VDAC3: variants seen among roughly 807,000 people sequenced by gnomAD.
VDAC3 encodes the protein voltage dependent anion channel 3.
Under a neutral mutation model 33.9 loss-of-function variants are expected in VDAC3, and 7 were observed. That is an observed-to-expected ratio of 0.21 (90% confidence interval 0.12 to 0.39). The LOEUF (loss-of-function observed/expected upper bound fraction) is 0.39. Ranked by LOEUF, VDAC3 falls within the 10% of genes least tolerant of loss-of-function variation. The pLI is 1.00. For missense variants in VDAC3, 261 were observed against 334.5 expected (o/e 0.78, Z 1.71); for synonymous variants, 100 against 122.4 (o/e 0.82, Z 1.21).
chr8:42,394,192 C>T lies in VDAC3; in HGVS notation c.-2-18C>T. The T allele has an allele frequency of 6.2e-7, 1 of 1,609,752 alleles. No individual in the cohort carries two copies. Among genetic ancestry groups the T allele is most frequent in the Non-Finnish European group, 8.5e-7 (1 of 1,176,318 alleles). On this transcript the variant is annotated intron_variant, in intron 2 of 9. Transcript: ENST00000022615. ...TAAATGGTTATTTTTATTCCTTTGC[C>T]CTGTTTTTCTTTATAAGATATGTGT...
rs750457762 is a variant in VDAC3, at chr8:42,394,228, C to T, written c.17C>T (p.Thr6Met). 9.3e-6 allele frequency: 15 copies of T among 1,613,552 alleles called. No homozygotes were observed. The highest frequency in any genetic ancestry group is 1.6e-4 in the Middle Eastern group (1 of 6,078). MCNTP[T>M]YCDLGKAAKD... ...TTATAAGATATGTGTAACACACCAACGTACTGTGACCTAGGAAAGGCTGCT... is the reference window on the plus strand; with the variant it reads ...TTATAAGATATGTGTAACACACCAATGTACTGTGACCTAGGAAAGGCTGCT... Residue 6 changes from threonine (T) to methionine (M), a missense_variant, in exon 3 of 10, where the codon ACG becomes ATG. Coordinates refer to ENST00000022615, the MANE Select transcript of VDAC3 (RefSeq NM_005662.7).
chr8:42,404,753 T>G, intron 8 of VDAC3, 114 bp from the exon 9 acceptor site: 1 of 654,670 alleles, frequency 1.5e-6, no homozygotes, highest in Non-Finnish European at 2.4e-6. Flanking sequence ...TCAGTAATTC[T>G]AGATTGGCCC....
At position 42,398,822 on chromosome 8, in the gene VDAC3, C is replaced by G. The variant is rs1479810817; in HGVS notation, c.228C>G (p.Asn76Lys). ...NYGLTFTQKW[N>K]TDNTLGTEIS... ...GACTTACCTTCACCCAGAAATGGAA[C>G]ACAGACAATACTCTAGGGACAGAAA... is the stretch of plus-strand genomic sequence containing the variant. The change falls in exon 5 of 10, where the codon AAC becomes AAG. Residue 76 changes from asparagine to lysine, a missense_variant. Asn to Lys is a moderately conservative substitution (Grantham distance 94). Transcript: ENST00000022615. 6.2e-7 allele frequency: 1 copy of G among 1,613,928 alleles called. No individual in the cohort carries two copies. Among genetic ancestry groups the G allele is most frequent in the South Asian group, 1.1e-5 (1 of 91,072 alleles).
At chr8:42,396,972 A>G (rs1464301560) in intron 4 of VDAC3, 3 of 338,886 alleles carry the variant, frequency 8.9e-6, no homozygotes, top group African/African-American at 4.2e-5. Flanking sequence ...CTGGAACTCA[A>G]CTTAGAACAA....
chr8:42,399,692 A>G lies in VDAC3; in HGVS notation c.312A>G (p.Val104=). The G allele has an allele frequency of 6.2e-7, 1 of 1,612,074 alleles. No homozygotes were observed. The highest frequency in any genetic ancestry group is 2.2e-5 in the East Asian group (1 of 44,810). Residue 104 remains valine, a synonymous_variant, in exon 6 of 10, where the codon GTA becomes GTG. Transcript: ENST00000022615. ...AACTGACTCTTGATACCATATTTGT[A>G]CCGAACACAGGGTAATTATTCAAAT... The part of the protein sequence containing the change: ...GLKLTLDTIF[V]PNTGKKSGKL...
intron 4 of VDAC3, chr8:42,397,167 G>A (rs1802331366): frequency 6.5e-6 from 1 of 152,862 alleles, no homozygotes; most frequent in South Asian, 2.1e-4. Flanking sequence ...TTTGTGAAAA[G>A]TAAATGTAAA....
chr8:42,401,516 T>C (rs1314432185), intron 6 of VDAC3, among the ~76,000 whole-genome samples: 1 of 152,210 alleles, frequency 6.6e-6, no homozygotes, highest in Non-Finnish European at 1.5e-5. Context: ...CTTATACTTT[T>C]GTTCATGCTT....
intron 3 of VDAC3, among the ~76,000 whole-genome samples, 168 bp from the exon 4 acceptor site, chr8:42,394,916 C>T (rs563557126): frequency 1.3e-5 from 2 of 152,146 alleles, no homozygotes; most frequent in African/African-American, 2.4e-5. Flanking sequence ...AATTATACTG[C>T]ATTTATTTGG....
At position 42,404,706 on chromosome 8, in the gene VDAC3, G is replaced by A. The variant is rs900372988; in HGVS notation, c.703-161G>A. On this transcript the variant is annotated intron_variant, in intron 8 of 9. Coordinates refer to ENST00000022615, the MANE Select transcript of VDAC3 (RefSeq NM_005662.7). ...CATCGCACTGCAGCCTGGGTGACAA[G>A]AACAAAACTTCATCTCAAAAAAAAA... Among the ~76,000 whole-genome samples the A allele has an allele frequency of 4.0e-4, 32 of 80,360 alleles. 1 individual carries two copies. Among genetic ancestry groups the A allele is most frequent in the Admixed American group, 7.9e-4 (5 of 6,350 alleles). The allele number at this position is 80,360 out of a possible 152,430, so 52.7% of individuals were successfully genotyped here. A position where few individuals can be genotyped will look rare whatever the true frequency, so the allele number is the denominator to read the frequency against.
chr8:42,399,567 C>T, intron 5 of VDAC3, 84 bp from the exon 6 acceptor site: 1 of 1,297,630 alleles, frequency 7.7e-7, no homozygotes, highest in African/African-American at 1.5e-5. Flanking sequence ...TGTTAAAGAA[C>T]TCAGGAAACT....
chr8:42,404,765 A>T, intron 8 of VDAC3, 102 bp from the exon 9 acceptor site: 4 of 823,680 alleles, frequency 4.9e-6, no homozygotes, highest in Non-Finnish European at 7.7e-6. Context: ...GATTGGCCCT[A>T]GGGTGCTTTT....
At chr8:42,398,447 T>C (rs2130888002) in intron 4 of VDAC3, among the ~76,000 whole-genome samples, 2 of 152,264 alleles carry the variant, frequency 1.3e-5, no homozygotes, top group Admixed American at 1.3e-4. Context: ...AGGCTGGTCT[T>C]GAGCTCCTGG....
intron 4 of VDAC3, among the ~76,000 whole-genome samples, chr8:42,396,444 A>T (rs573063694): frequency 6.6e-6 from 1 of 152,332 alleles, no homozygotes; most frequent in Admixed American, 6.5e-5. Flanking sequence ...GATACTGTGT[A>T]TAATCATGGT....
At position 42,405,597 on chromosome 8, in the gene VDAC3, C is replaced by A; in HGVS notation, c.*135C>A. 2 of 734,122 alleles carry A rather than the reference C, an allele frequency of 2.7e-6. No homozygotes were observed. The highest frequency in any genetic ancestry group is 2.8e-5 in the East Asian group (1 of 36,008). The allele number at this position is 734,122 out of a possible 1,614,324, so 45.5% of individuals were successfully genotyped here. A position where few individuals can be genotyped will look rare whatever the true frequency, so the allele number is the denominator to read the frequency against. On this transcript the variant is annotated 3_prime_UTR_variant, in exon 10 of 10. Transcript: ENST00000022615. ...TTCTTCCAAAGAATTGTAATCCTCC[C>A]CACACTGAAGTCTAGGGGTTGCGAA...
intron 4 of VDAC3, 39 bp downstream of exon 4, chr8:42,395,172 T>G (rs930385730): frequency 6.2e-7 from 1 of 1,611,798 alleles, no homozygotes; most frequent in Non-Finnish European, 8.5e-7. Flanking sequence ...GTAACATAAT[T>G]AACTTAAAGG....
intron 6 of VDAC3, among the ~76,000 whole-genome samples, chr8:42,400,598 A>G (rs1802399346): frequency 6.7e-6 from 1 of 149,828 alleles, no homozygotes; most frequent in African/African-American, 2.5e-5. Context: ...GCAAAGTGAC[A>G]TTTGTCTCAG....
At chr8:42,405,153 T>C (rs1802478100) in intron 9 of VDAC3, among the ~76,000 whole-genome samples, 1 of 152,258 alleles carries the variant, frequency 6.6e-6, no homozygotes, top group South Asian at 2.1e-4. Context: ...TGATCACTCA[T>C]TGCCCTTAAC....
At chr8:42,403,749 G>A (rs1179334196) in intron 8 of VDAC3, among the ~76,000 whole-genome samples, 2 of 152,016 alleles carry the variant, frequency 1.3e-5, no homozygotes, top group African/African-American at 4.8e-5. Flanking sequence ...GGTAGGTGAC[G>A]CCTGTAGTCC....
intron 4 of VDAC3, among the ~76,000 whole-genome samples, chr8:42,397,982 A>G (rs988137603): frequency 2.6e-5 from 4 of 152,352 alleles, no homozygotes; most frequent in African/African-American, 9.6e-5. Flanking sequence ...AGGAAGTAGT[A>G]AAGTGTTGAC....
Sources: allele counts gnomAD v4.1 joint callset (sites outside exome capture counted in the v4.1 genomes callset), GRCh38; gene constraint gnomAD v4.1.1; transcripts MANE v1.5; gene names NCBI Gene and HGNC (gene_info 2026-07-23, HGNC 2026-07-21).